The following STK4 variants were observed in gnomAD, a reference collection of about 807,000 sequenced individuals.
STK4 encodes the protein serine/threonine kinase 4.
STK4 carries 30 observed loss-of-function variants against 64.9 expected under a neutral mutation model. The ratio of observed to expected loss-of-function variants is 0.46; its 90% confidence interval spans 0.35 to 0.63. The LOEUF (loss-of-function observed/expected upper bound fraction) is 0.63. Ranked by LOEUF, STK4 falls within the 20% of genes least tolerant of loss-of-function variation. The probability of loss-of-function intolerance (pLI) is 0.01; values close to 1 mark genes in which losing one functional copy is unlikely to be tolerated. For missense variants in STK4, 466 were observed against 598.5 expected (o/e 0.78, Z 2.31); for synonymous variants, 177 against 199.0 (o/e 0.89, Z 0.93).
chr20:44,997,808 A>G (rs927177843), intron 7 of STK4, among the ~76,000 whole-genome samples: 14 of 152,224 alleles, frequency 9.2e-5, no homozygotes, highest in Non-Finnish European at 2.1e-4. Flanking sequence ...GTAAGAAAAT[A>G]CAGGGCAGTA....
intron 4 of STK4, among the ~76,000 whole-genome samples, chr20:44,984,186 G>GTTTTTTTTTTTTTTTT (rs11397664): frequency 5.3e-5 from 4 of 76,054 alleles, no homozygotes; most frequent in Non-Finnish European, 9.2e-5. Context: ...TGTTGTCGTT[G>GTTTTTTTTTTTTTTTT]TTTTTTTTTT....
intron 10 of STK4, among the ~76,000 whole-genome samples, chr20:45,026,505 A>G (rs192537577): frequency 6.6e-6 from 1 of 152,266 alleles, no homozygotes; most frequent in East Asian, 1.9e-4. Flanking sequence ...TGTTTACAGA[A>G]CAACGAAGAA....
intron 10 of STK4, among the ~76,000 whole-genome samples, chr20:45,055,496 C>T (rs557972575): frequency 5.3e-5 from 8 of 150,224 alleles, no homozygotes; most frequent in East Asian, 2.0e-4. Context: ...CTTTTTTTTC[C>T]GGGGGGTGGG....
intron 10 of STK4, among the ~76,000 whole-genome samples, chr20:45,063,380 T>A (rs1979267009): frequency 6.6e-6 from 1 of 152,154 alleles, no homozygotes; most frequent in South Asian, 2.1e-4. Context: ...TGGCCACATG[T>A]ACATTTTCTT....
intron 10 of STK4, among the ~76,000 whole-genome samples, chr20:45,071,924 C>A (rs1489021723): frequency 1.3e-5 from 2 of 151,986 alleles, no homozygotes; most frequent in African/African-American, 4.8e-5. Context: ...CACCACCACA[C>A]CTGGCTAATT....
At chr20:44,980,870 A>G (rs976537436) in intron 3 of STK4, among the ~76,000 whole-genome samples, 7 of 152,030 alleles carry the variant, frequency 4.6e-5, no homozygotes, top group Non-Finnish European at 1.0e-4. Context: ...GGGTTTCACC[A>G]TGTTAGCCAG....
At chr20:44,967,744 C>T (rs1238961200) in intron 1 of STK4, among the ~76,000 whole-genome samples, 3 of 152,166 alleles carry the variant, frequency 2.0e-5, no homozygotes, top group Admixed American at 6.5e-5. Context: ...GTTGTTTGAG[C>T]TTGGGGATGT....
At chr20:44,967,001 G>A (rs546183258) in intron 1 of STK4, among the ~76,000 whole-genome samples, 1 of 152,280 alleles carries the variant, frequency 6.6e-6, no homozygotes, top group East Asian at 1.9e-4. Context: ...CTGGCCAAGA[G>A]GAAGGCCGGG....
chr20:45,011,731 T>TATATATATATATATATATATATATTTA (rs1428985946), intron 9 of STK4, among the ~76,000 whole-genome samples: 1 of 81,172 alleles, frequency 1.2e-5, no homozygotes, highest in African/African-American at 5.5e-5. Flanking sequence ...ATATATATAT[T>TATATATATATATATATATATATATTTA]TTTTTTTTTT....
chr20:45,009,289 G>A (rs767971566), intron 9 of STK4, among the ~76,000 whole-genome samples: 1 of 152,132 alleles, frequency 6.6e-6, no homozygotes, highest in Non-Finnish European at 1.5e-5. Context: ...TTATTAAATA[G>A]GGTGTCCTTT....
At chr20:45,003,290 C>T (rs2067874105) in intron 9 of STK4, among the ~76,000 whole-genome samples, 1 of 152,124 alleles carries the variant, frequency 6.6e-6, no homozygotes, top group African/African-American at 2.4e-5. Flanking sequence ...GTGTGAGCCA[C>T]CTCTCCTGGC....
At chr20:45,013,394 T>C (rs932121062) in intron 9 of STK4, among the ~76,000 whole-genome samples, 2 of 152,336 alleles carry the variant, frequency 1.3e-5, no homozygotes, top group South Asian at 4.1e-4. Flanking sequence ...ATCAACATTG[T>C]AACTTTTTCT....
Position 45,042,549 on chromosome 20 carries a change from C to T in STK4, c.1305+17419C>T, listed in dbSNP as rs547855962. Among the ~76,000 whole-genome samples, 4 of 152,326 alleles carry T rather than the reference C, an allele frequency of 2.6e-5. No individual in the cohort carries two copies. In the South Asian group the frequency reaches 8.3e-4, roughly 32 times the overall value. On this transcript the variant is annotated intron_variant, in intron 10 of 10. Transcript: ENST00000372806. ...TTTACCTAATACAAATCTGGATCCT[C>T]CACTACTCAAGTGAAATACAACGCA...
intron 9 of STK4, among the ~76,000 whole-genome samples, chr20:45,002,932 A>C (rs1282241455): frequency 6.6e-6 from 1 of 152,114 alleles, no homozygotes; most frequent in Non-Finnish European, 1.5e-5. Context: ...ATAACTCTAG[A>C]AAATAGTAAA....
At chr20:44,970,804 A>G (rs1242646115) in intron 1 of STK4, among the ~76,000 whole-genome samples, 1 of 152,042 alleles carries the variant, frequency 6.6e-6, no homozygotes, top group East Asian at 1.9e-4. Flanking sequence ...ATTGGTAGAT[A>G]CACTTGATGT....
intron 9 of STK4, among the ~76,000 whole-genome samples, chr20:45,021,423 A>C (rs2068245350): frequency 6.6e-6 from 1 of 152,206 alleles, no homozygotes; most frequent in Admixed American, 6.5e-5. Context: ...TATAAACTTA[A>C]CATGTCAGTA....
Position 44,966,735 on chromosome 20 carries a change from G to GT in STK4, c.35+132_35+133insT, listed in dbSNP as rs1303333959. 6 of 993,644 alleles carry GT rather than the reference G, an allele frequency of 6.0e-6. No individual in the cohort carries two copies. The African/African-American group carries it at 1.0e-4, about 17-fold the overall frequency. The allele number at this position is 993,644 out of a possible 1,614,324, so 61.6% of individuals were successfully genotyped here. A position where few individuals can be genotyped will look rare whatever the true frequency, so the allele number is the denominator to read the frequency against. On this transcript the variant is annotated intron_variant, in intron 1 of 10. Transcript: ENST00000372806. ...AGCCGATGGGGCACCTGCTGAGTGA[G>GT]GGGGGGGACGTCTGGTGGGTGAGGG...
At chr20:45,063,498 T>C (rs1163347317) in intron 10 of STK4, among the ~76,000 whole-genome samples, 1 of 152,258 alleles carries the variant, frequency 6.6e-6, no homozygotes, top group African/African-American at 2.4e-5. Context: ...TAGATCTTTG[T>C]TGGATGCATA....
intron 10 of STK4, among the ~76,000 whole-genome samples, chr20:45,053,499 A>T (rs768353195): frequency 3.3e-5 from 5 of 152,206 alleles, no homozygotes; most frequent in African/African-American, 4.8e-5. Flanking sequence ...AATCTCAACT[A>T]CATGGTGAGA....
Sources: allele counts gnomAD v4.1 joint callset (sites outside exome capture counted in the v4.1 genomes callset), GRCh38; gene constraint gnomAD v4.1.1; transcripts MANE v1.5; gene names NCBI Gene and HGNC (gene_info 2026-07-23, HGNC 2026-07-21).